The following TNNI3K variants were observed in gnomAD, a reference collection of about 807,000 sequenced individuals.
The protein encoded by TNNI3K is serine/threonine-protein kinase TNNI3K.
A neutral mutation model predicts 114.5 loss-of-function variants in TNNI3K; 140 were observed. That is an observed-to-expected ratio of 1.22 (90% CI 1.07 to 1.41). The LOEUF is 1.41. Among genes scored for constraint, TNNI3K ranks in the 40% most tolerant of loss-of-function variants. The pLI is 0.00. For synonymous variants in TNNI3K, 347 were observed against 347.5 expected (o/e 1.00, Z 0.02); for missense variants, 1,125 against 1,007.6 (o/e 1.12, Z -1.58).
chr1:74,404,851 A>AG (rs772264507), intron 17 of TNNI3K, among the ~76,000 whole-genome samples: 1 of 152,202 alleles, frequency 6.6e-6, no homozygotes, highest in African/African-American at 2.4e-5. Context: ...CCTAGCCCTA[A>AG]GGGGCAACCA....
At chr1:74,296,167 T>C (rs1657971164) in intron 5 of TNNI3K, among the ~76,000 whole-genome samples, 1 of 151,924 alleles carries the variant, frequency 6.6e-6, no homozygotes. Flanking sequence ...TCCCAGCTAC[T>C]CTGGAGGCTG....
intron 5 of TNNI3K, among the ~76,000 whole-genome samples, chr1:74,282,074 C>A (rs748716329): frequency 6.6e-6 from 1 of 151,964 alleles, no homozygotes; most frequent in South Asian, 2.1e-4. Context: ...TGAGGTTGGC[C>A]TATGGTTTTC....
chr1:74,449,335 C>G (rs898017853), intron 20 of TNNI3K, among the ~76,000 whole-genome samples: 1 of 150,834 alleles, frequency 6.6e-6, no homozygotes, highest in Non-Finnish European at 1.5e-5. Flanking sequence ...TTTATTGTGT[C>G]TATTTGATTC....
At chr1:74,543,269 T>A (rs1206455661) in intron 24 of TNNI3K, among the ~76,000 whole-genome samples, 1 of 151,980 alleles carries the variant, frequency 6.6e-6, no homozygotes, top group East Asian at 1.9e-4. Context: ...AGATGGGGTT[T>A]CACCATATTG....
intron 13 of TNNI3K, among the ~76,000 whole-genome samples, chr1:74,368,799 G>A (rs1035555162): frequency 2.0e-5 from 3 of 151,906 alleles, no homozygotes; most frequent in Admixed American, 2.0e-4. Context: ...GTAACAAGGA[G>A]TGAGTAATCA....
intron 1 of TNNI3K, 93 bp from the exon 2 acceptor site, chr1:74,236,005 GAATA>G (rs1365496781): frequency 4.5e-5 from 36 of 794,282 alleles, no homozygotes; most frequent in Admixed American, 1.6e-4. Flanking sequence ...GTAGAATCTA[GAATA>G]AAAAACAGTT....
intron 23 of TNNI3K, among the ~76,000 whole-genome samples, chr1:74,508,489 C>T (rs550804073): frequency 6.6e-6 from 1 of 152,248 alleles, no homozygotes; most frequent in South Asian, 2.1e-4. Flanking sequence ...TTAAACCTGG[C>T]CAGAGTAGTT....
intron 23 of TNNI3K, among the ~76,000 whole-genome samples, chr1:74,516,453 T>G (rs1646349475): frequency 6.6e-6 from 1 of 152,174 alleles, no homozygotes; most frequent in African/African-American, 2.4e-5. Context: ...GGTGTCACAG[T>G]AAAGAGATGA....
intron 22 of TNNI3K, among the ~76,000 whole-genome samples, chr1:74,489,848 C>T (rs780319289): frequency 1.3e-5 from 2 of 151,970 alleles, no homozygotes; most frequent in African/African-American, 2.4e-5. Flanking sequence ...GGAGCTAAAA[C>T]ATGCACACTA....
intron 17 of TNNI3K, among the ~76,000 whole-genome samples, chr1:74,380,428 G>T (rs1663141485): frequency 6.6e-6 from 1 of 152,106 alleles, no homozygotes; most frequent in Admixed American, 6.6e-5. Context: ...CACACGGTGC[G>T]AATGCTCAAA....
At chr1:74,463,698 C>T (rs941529261) in intron 21 of TNNI3K, 148 bp downstream of exon 21, 21 of 822,842 alleles carry the variant, frequency 2.6e-5, no homozygotes, top group African/African-American at 3.5e-5. Flanking sequence ...TCTCTAATTG[C>T]CTCAAGAAGT....
intron 17 of TNNI3K, among the ~76,000 whole-genome samples, chr1:74,393,501 G>A (rs1013363597): frequency 6.6e-6 from 1 of 152,124 alleles, no homozygotes; most frequent in Non-Finnish European, 1.5e-5. Flanking sequence ...ACCACAAAAG[G>A]ACTAGAAATA....
At chr1:74,375,031 T>C (rs1043228977) in intron 17 of TNNI3K, 25 of 152,270 alleles carry the variant, frequency 1.6e-4, no homozygotes, top group African/African-American at 6.0e-4. Context: ...TTATATGTTA[T>C]ATTAACACTG....
intron 7 of TNNI3K, among the ~76,000 whole-genome samples, chr1:74,338,329 A>T (rs1180339071): frequency 1.3e-5 from 2 of 152,106 alleles, no homozygotes; most frequent in African/African-American, 4.8e-5. Flanking sequence ...TTGATAGAAT[A>T]GAATTTCCTT....
chr1:74,310,493 A>T (rs543231866), intron 5 of TNNI3K, among the ~76,000 whole-genome samples: 1 of 152,170 alleles, frequency 6.6e-6, no homozygotes, highest in Non-Finnish European at 1.5e-5. Context: ...GAACCAAAAA[A>T]TACCCTGAAT....
At chr1:74,240,616 G>T (rs1412667539) in intron 2 of TNNI3K, 1 of 151,950 alleles carries the variant, frequency 6.6e-6, no homozygotes, top group East Asian at 1.9e-4. Context: ...GACTTCAAAT[G>T]TTTTCAATTA....
chr1:74,348,820 T>C (rs1440745868), intron 9 of TNNI3K, among the ~76,000 whole-genome samples: 106 of 151,790 alleles, frequency 7.0e-4, no homozygotes, highest in African/African-American at 2.4e-3. Flanking sequence ...TGTATAAGAA[T>C]GCTTGTGATT....
At chr1:74,466,016 T>G (rs1193330842) in intron 21 of TNNI3K, among the ~76,000 whole-genome samples, 2 of 152,194 alleles carry the variant, frequency 1.3e-5, no homozygotes, top group Non-Finnish European at 2.9e-5. Flanking sequence ...GTTCACTCTT[T>G]GGTCCACGCT....
chr1:74,244,786 T>A (rs2100836173), intron 2 of TNNI3K, among the ~76,000 whole-genome samples: 1 of 151,834 alleles, frequency 6.6e-6, no homozygotes, highest in Non-Finnish European at 1.5e-5. Flanking sequence ...GCCAGACTTA[T>A]TGAATGGATC....
Sources: allele counts gnomAD v4.1 joint callset (sites outside exome capture counted in the v4.1 genomes callset), GRCh38; gene constraint gnomAD v4.1.1; transcripts MANE v1.5; gene names NCBI Gene and HGNC (gene_info 2026-07-23, HGNC 2026-07-21).